MLIP: variants seen among roughly 807,000 people sequenced by gnomAD.
MLIP encodes muscular LMNA-interacting protein.
A neutral mutation model predicts 84.8 loss-of-function variants in MLIP; 79 were observed. That is an observed-to-expected ratio of 0.93 (90% CI 0.78 to 1.12). The LOEUF (loss-of-function observed/expected upper bound fraction) is 1.12. Ranked by LOEUF, MLIP falls within the 50% of genes most tolerant of loss-of-function variation. The pLI is 0.00. For synonymous variants in MLIP, 504 were observed against 463.0 expected (o/e 1.09, Z -1.14); for missense variants, 1,257 against 1,160.6 (o/e 1.08, Z -1.21).
intron 12 of MLIP, among the ~76,000 whole-genome samples, chr6:54,249,232 C>A (rs543557651): frequency 6.6e-6 from 1 of 151,970 alleles, no homozygotes; most frequent in African/African-American, 2.4e-5. Flanking sequence ...ATTTAGGGCC[C>A]AGACTTTAAA....
chr6:54,075,162 G>A (rs1766722306), intron 1 of MLIP, among the ~76,000 whole-genome samples: 1 of 148,160 alleles, frequency 6.7e-6, no homozygotes, highest in African/African-American at 2.5e-5. Flanking sequence ...CAGGAGAATC[G>A]CTTGAACCGG....
At chr6:54,223,695 A>C (rs1369054213) in intron 11 of MLIP, among the ~76,000 whole-genome samples, 2 of 152,058 alleles carry the variant, frequency 1.3e-5, no homozygotes, top group East Asian at 3.9e-4. Flanking sequence ...CTTTGGATTC[A>C]CTGAGAGTAT....
chr6:54,031,240 G>C (rs772450823), intron 1 of MLIP, among the ~76,000 whole-genome samples: 9 of 151,646 alleles, frequency 5.9e-5, no homozygotes, highest in South Asian at 2.1e-4. Flanking sequence ...AAATTGTACT[G>C]TAACCTCACA....
At chr6:54,083,593 T>G (rs1269874138) in intron 1 of MLIP, 4 of 1,536,034 alleles carry the variant, frequency 2.6e-6, no homozygotes, top group Non-Finnish European at 2.6e-6. Flanking sequence ...CATGTGCAGC[T>G]GGTACCTTGG....
intron 1 of MLIP, among the ~76,000 whole-genome samples, chr6:54,030,206 G>A (rs1425061730): frequency 6.6e-6 from 1 of 152,020 alleles, no homozygotes; most frequent in African/African-American, 2.4e-5. Context: ...AAGTGACAAA[G>A]TTTCAAAAAC....
intron 1 of MLIP, among the ~76,000 whole-genome samples, chr6:54,029,767 T>C (rs2150279762): frequency 6.6e-6 from 1 of 152,320 alleles, no homozygotes; most frequent in East Asian, 1.9e-4. Flanking sequence ...TTTCAGCTTG[T>C]ATAACGGGTT....
chr6:54,157,522 C>A (rs954833135), intron 5 of MLIP, among the ~76,000 whole-genome samples: 1 of 152,098 alleles, frequency 6.6e-6, no homozygotes, highest in African/African-American at 2.4e-5. Flanking sequence ...TACCCACAAC[C>A]CCTGGTTGTT....
At chr6:54,128,318 G>T (rs1353224725) in intron 3 of MLIP, among the ~76,000 whole-genome samples, 1 of 152,018 alleles carries the variant, frequency 6.6e-6, no homozygotes, top group Admixed American at 6.6e-5. Flanking sequence ...AAAGTGATGG[G>T]AATTTACTCA....
intron 9 of MLIP, among the ~76,000 whole-genome samples, chr6:54,170,130 C>T (rs928422846): frequency 2.6e-5 from 4 of 151,750 alleles, no homozygotes; most frequent in South Asian, 4.2e-4. Flanking sequence ...TGCATAGCCT[C>T]ATCCCAAGGC....
intron 11 of MLIP, among the ~76,000 whole-genome samples, chr6:54,214,724 T>C (rs2150752836): frequency 6.6e-6 from 1 of 152,348 alleles, no homozygotes; most frequent in South Asian, 2.1e-4. Context: ...CTTTAACATT[T>C]TAATCCAGAA....
In MLIP at chr6:54,188,614, T is replaced by C. The variant is rs921792669; in HGVS notation, c.2545-1256T>C. Among the ~76,000 whole-genome samples, 4 of 152,192 alleles carry C rather than the reference T, an allele frequency of 2.6e-5. 1 individual carries two copies. In the South Asian group the frequency reaches 8.3e-4, roughly 32 times the overall value. On this transcript the variant is annotated intron_variant, in intron 9 of 13. Transcript: ENST00000502396. ...AGTCTTATGGGACCCCTGTCATACA[T>C]GAGGTCCATCATCAACTGAAACATC...
At chr6:54,106,908 T>A (rs1416608112), upstream of MLIP, among the ~76,000 whole-genome samples, 2 of 152,174 alleles carry the variant, frequency 1.3e-5, no homozygotes, top group African/African-American at 4.8e-5. Flanking sequence ...CACCAAGGAA[T>A]GACTCCTGGG....
chr6:54,104,343 G>T (rs535266395), intron 1 of MLIP, among the ~76,000 whole-genome samples: 1 of 152,248 alleles, frequency 6.6e-6, no homozygotes, highest in African/African-American at 2.4e-5. Context: ...AGTATGTCAT[G>T]TGTTAGAATT....
chr6:54,249,267 A>T (rs1486523454), intron 12 of MLIP, among the ~76,000 whole-genome samples: 2 of 152,094 alleles, frequency 1.3e-5, no homozygotes, highest in African/African-American at 4.8e-5. Context: ...GCCCAGACAC[A>T]AAGTGATTTT....
At chr6:54,055,221 T>C (rs1467300592) in intron 1 of MLIP, among the ~76,000 whole-genome samples, 2 of 152,122 alleles carry the variant, frequency 1.3e-5, no homozygotes, top group South Asian at 2.1e-4. Context: ...GTTTCCTGAG[T>C]ACACTTTTTC....
chr6:54,132,794 C>T (rs573889674), intron 3 of MLIP, among the ~76,000 whole-genome samples: 1 of 152,294 alleles, frequency 6.6e-6, no homozygotes, highest in African/African-American at 2.4e-5. Flanking sequence ...TTGAGAAAAC[C>T]TCCCCTTCTG....
At chr6:54,148,433 G>C (rs996635436) in intron 4 of MLIP, among the ~76,000 whole-genome samples, 1 of 152,170 alleles carries the variant, frequency 6.6e-6, no homozygotes, top group African/African-American at 2.4e-5. Context: ...GTTAGAAGGT[G>C]CAGGGGGTGA....
At chr6:54,233,794 C>G (rs1246616323) in intron 12 of MLIP, among the ~76,000 whole-genome samples, 1 of 152,162 alleles carries the variant, frequency 6.6e-6, no homozygotes, top group Non-Finnish European at 1.5e-5. Flanking sequence ...AATTGTTGAA[C>G]TAATTTACAC....
intron 1 of MLIP, among the ~76,000 whole-genome samples, chr6:54,071,360 T>C (rs1766476888): frequency 6.6e-6 from 1 of 152,136 alleles, no homozygotes; most frequent in Non-Finnish European, 1.5e-5. Context: ...TCATAGGCTA[T>C]ATTCATATTG....
Sources: allele counts gnomAD v4.1 joint callset (sites outside exome capture counted in the v4.1 genomes callset), GRCh38; gene constraint gnomAD v4.1.1; transcripts MANE v1.5; gene names NCBI Gene and HGNC (gene_info 2026-07-23, HGNC 2026-07-21).